NXPE2: variants seen among roughly 807,000 people sequenced by gnomAD.
NXPE2 encodes the protein neurexophilin and PC-esterase domain family member 2, also known as NXPE family member 2.
Under a neutral mutation model 34.4 loss-of-function variants are expected in NXPE2, and 34 were observed. The ratio of observed to expected loss-of-function variants is 0.99; its 90% confidence interval spans 0.75 to 1.31. The LOEUF (loss-of-function observed/expected upper bound fraction) is 1.31, where lower values mean the gene tolerates loss of function less well. NXPE2 is among the 40% of genes most tolerant of loss of function. NXPE2 has a pLI of 0.00. For synonymous variants in NXPE2, 235 were observed against 231.3 expected, an observed-to-expected ratio of 1.02 and a Z score of -0.15; for missense variants, 649 against 672.5, an observed-to-expected ratio of 0.97 and a Z score of 0.39.
intron 2 of NXPE2, among the ~76,000 whole-genome samples, chr11:114,680,280 A>T (rs187296355): frequency 1.2e-4 from 18 of 152,258 alleles, no homozygotes; most frequent in East Asian, 3.9e-4. Flanking sequence ...CTGATCAAAT[A>T]CTTTCACCAC....
chr11:114,771,683 C>T, the NXPE2 span, among the ~76,000 whole-genome samples: 2 of 152,160 alleles, frequency 1.3e-5, no homozygotes, highest in Non-Finnish European at 2.9e-5. Flanking sequence ...CCACTATGGC[C>T]CCAAGGATGA....
chr11:114,499,975 A>T, the NXPE2 span, among the ~76,000 whole-genome samples: 1 of 150,544 alleles, frequency 6.6e-6, no homozygotes, highest in Non-Finnish European at 1.5e-5. Context: ...TTAATTGCTG[A>T]GTAGCATTCC....
At chr11:114,522,831 C>T in the NXPE2 span, 5 of 1,419,272 alleles carry the variant, frequency 3.5e-6, no homozygotes, top group Admixed American at 1.7e-5. Context: ...ATTAAAAGTA[C>T]TTTAAAACCA....
At chr11:114,530,642 C>T in the NXPE2 span, 2 of 1,614,182 alleles carry the variant, frequency 1.2e-6, no homozygotes, top group Admixed American at 3.3e-5. Context: ...CCCTCACCTC[C>T]AGTAGGATGT....
chr11:114,629,652 T>A, the NXPE2 span, among the ~76,000 whole-genome samples: 28 of 152,086 alleles, frequency 1.8e-4, no homozygotes, highest in East Asian at 5.2e-3. Context: ...TTCATCAGAG[T>A]GTTGGAAGTT....
chr11:114,737,412 A>G, the NXPE2 span, among the ~76,000 whole-genome samples: 1 of 152,182 alleles, frequency 6.6e-6, no homozygotes, highest in African/African-American at 2.4e-5. Context: ...ACAGCAATAC[A>G]TTTTTGCAGC....
the NXPE2 span, among the ~76,000 whole-genome samples, chr11:114,464,411 A>G: frequency 6.6e-6 from 1 of 152,306 alleles, no homozygotes; most frequent in Admixed American, 6.5e-5. Context: ...CAATGGTTTG[A>G]CTTAGTTTTT....
the NXPE2 span, among the ~76,000 whole-genome samples, chr11:114,769,873 A>T: frequency 6.6e-6 from 1 of 152,196 alleles, no homozygotes; most frequent in African/African-American, 2.4e-5. Flanking sequence ...TGACAGGATG[A>T]TGGGTGCAGT....
At chr11:114,748,314 C>A in the NXPE2 span, among the ~76,000 whole-genome samples, 1 of 152,154 alleles carries the variant, frequency 6.6e-6, no homozygotes, top group Non-Finnish European at 1.5e-5. Context: ...CTAATAAGGA[C>A]TTTCTCCTAT....
the NXPE2 span, among the ~76,000 whole-genome samples, chr11:114,741,501 C>T: frequency 2.6e-5 from 4 of 152,158 alleles, no homozygotes; most frequent in African/African-American, 7.2e-5. Context: ...ACTTTCTTCA[C>T]TCCTTTTTGT....
the NXPE2 span, among the ~76,000 whole-genome samples, chr11:114,758,291 C>G: frequency 6.6e-6 from 1 of 152,116 alleles, no homozygotes; most frequent in African/African-American, 2.4e-5. Context: ...AGTGGAATGA[C>G]CCTTTTGGAA....
At chr11:114,583,818 T>C in the NXPE2 span, 1 of 427,556 alleles carries the variant, frequency 2.3e-6, no homozygotes, top group Non-Finnish European at 4.5e-6. Context: ...GCCTTCTATA[T>C]TACAGGCTAG....
chr11:114,811,999 A>T, the NXPE2 span, among the ~76,000 whole-genome samples: 1 of 152,232 alleles, frequency 6.6e-6, no homozygotes, highest in Non-Finnish European at 1.5e-5. Flanking sequence ...CAAAAAAATG[A>T]TAGCCATTAT....
the NXPE2 span, among the ~76,000 whole-genome samples, chr11:114,725,322 A>C: frequency 2.6e-5 from 4 of 152,018 alleles, no homozygotes; most frequent in Admixed American, 1.3e-4. Flanking sequence ...AACCTGATAT[A>C]AGTTGTTGGA....
chr11:114,612,554 T>C, the NXPE2 span, among the ~76,000 whole-genome samples: 1 of 151,964 alleles, frequency 6.6e-6, no homozygotes, highest in Non-Finnish European at 1.5e-5. Context: ...AAGTGTTGCC[T>C]CATGGGTAAC....
chr11:114,570,658 T>C, the NXPE2 span: 2,331 of 240,998 alleles, frequency 9.7e-3, 52 homozygotes, highest in African/African-American at 0.049. Flanking sequence ...AGAGAGAACT[T>C]TTACCCATAG....
chr11:114,577,161 CAT>C, the NXPE2 span, among the ~76,000 whole-genome samples: 5,458 of 134,478 alleles, frequency 0.041, 304 homozygotes, highest in African/African-American at 0.13. Context: ...ATATATGTGT[CAT>C]ATATATATAT....
chr11:114,534,747 A>C, the NXPE2 span, among the ~76,000 whole-genome samples: 1 of 152,198 alleles, frequency 6.6e-6, no homozygotes, highest in Admixed American at 6.5e-5. Flanking sequence ...AAAGAATAAA[A>C]AGAAACAAAG....
chr11:114,549,446 G>A, the NXPE2 span, among the ~76,000 whole-genome samples: 10 of 151,974 alleles, frequency 6.6e-5, no homozygotes, highest in East Asian at 1.9e-4. Context: ...ATTTTGTTCC[G>A]TTTTTAATGT....
Sources: allele counts gnomAD v4.1 joint callset (sites outside exome capture counted in the v4.1 genomes callset), GRCh38; gene constraint gnomAD v4.1.1; transcripts MANE v1.5; gene names NCBI Gene and HGNC (gene_info 2026-07-23, HGNC 2026-07-21).